The following GAK variants were observed in gnomAD, a reference collection of about 807,000 sequenced individuals.
The protein encoded by GAK is cyclin-G-associated kinase.
GAK carries 79 observed loss-of-function variants against 143.9 expected under a neutral mutation model. That is an observed-to-expected ratio of 0.55 (90% confidence interval 0.46 to 0.66). The LOEUF (loss-of-function observed/expected upper bound fraction) is 0.66, where lower values mean the gene tolerates loss of function less well. Among genes scored for constraint, GAK ranks in the 30% least tolerant of loss-of-function variants. The pLI is 0.00. For missense variants in GAK, 1,693 were observed against 1,779.7 expected (o/e 0.95, Z 0.88); for synonymous variants, 881 against 765.5 (o/e 1.15, Z -2.49).
At chr4:894,382 G>A (rs12499663) in intron 7 of GAK, 73,557 of 184,948 alleles carry the variant, frequency 0.4, 14,839 homozygotes, top group South Asian at 0.48. Flanking sequence ...GAGCGCAGGG[G>A]TGACTCCTGG....
chr4:866,484 A>C lies in GAK; in HGVS notation c.2923T>G (p.Cys975Gly), dbSNP rs1052333449. The stretch of plus-strand genomic sequence containing the variant: ...TCGCCGAAGAGATCAGGATTGGAGC[A>C]GGGCTGGGAGTTGTTGCCTGAAGAC... ...LPSSGNNSQP[C>G]SNPDLFGEFL... is the part of the protein sequence containing the mutation. Residue 975 changes from cysteine to glycine, a missense_variant, in exon 22 of 28, where the codon TGC becomes GGC. By Grantham distance (159) the Cys-to-Gly change is radical. Around this residue, in one of 2 missense-constraint regions of GAK, gnomAD observed 822 missense variants for 788.7 expected, o/e 1.04. Coordinates refer to ENST00000314167, the MANE Select transcript of GAK (RefSeq NM_005255.4). 1 of 1,614,094 alleles carries C rather than the reference A, an allele frequency of 6.2e-7. No individual in the cohort carries two copies. Among genetic ancestry groups the C allele is most frequent in the Non-Finnish European group, 8.5e-7 (1 of 1,179,966 alleles).
chr4:884,626 C>G (rs990978096), intron 11 of GAK, among the ~76,000 whole-genome samples: 2 of 152,246 alleles, frequency 1.3e-5, no homozygotes, highest in Non-Finnish European at 2.9e-5. Context: ...CCAACTGCCC[C>G]CAACACTGGG....
intron 23 of GAK, among the ~76,000 whole-genome samples, chr4:860,836 T>C (rs1032633118): frequency 6.6e-6 from 1 of 152,250 alleles, no homozygotes; most frequent in Non-Finnish European, 1.5e-5. Flanking sequence ...CATCGTGCAC[T>C]GTGCCTCCCG....
rs912034223 is a variant in GAK at position 849,367 on chromosome 4, G to C, written c.*306C>G. 1 of 448,884 alleles carries C rather than the reference G, an allele frequency of 2.2e-6. No individual in the cohort carries two copies. The highest frequency in any genetic ancestry group is 4.1e-6 in the Non-Finnish European group (1 of 242,762). 27.8% of individuals were successfully genotyped at this position (448,884 alleles called of 1,614,324 possible). ...ACCAGGGCCCATGAGCGCCAGCAGC[G>C]TGGCCCACCACGTGCCGGGGCTCCA... On this transcript the variant is annotated 3_prime_UTR_variant, in exon 28 of 28. Transcript: ENST00000314167.
At chr4:858,613 A>AT (rs1749706906) in intron 24 of GAK, among the ~76,000 whole-genome samples, 2 of 152,266 alleles carry the variant, frequency 1.3e-5, no homozygotes, top group South Asian at 4.1e-4. Context: ...GTAAATCCCC[A>AT]AAACCACCTG....
intron 4 of GAK, among the ~76,000 whole-genome samples, chr4:911,121 T>C (rs897106559): frequency 1.3e-5 from 2 of 152,132 alleles, no homozygotes; most frequent in Non-Finnish European, 2.9e-5. Flanking sequence ...ATGGAGTCGT[T>C]GTGCCATCTT....
At position 922,197 on chromosome 4, in the gene GAK, G is replaced by C. The variant is rs375432986; in HGVS notation, c.146-8529C>G. ...GTCCTTATAAGATGAAGACACACCAGAGATGTCAGCATCCCCTCAGCAAAA... is the reference window on the plus strand; with the variant it reads ...GTCCTTATAAGATGAAGACACACCACAGATGTCAGCATCCCCTCAGCAAAA... On this transcript the variant is annotated intron_variant, in intron 1 of 27. Transcript: ENST00000314167. Among the ~76,000 whole-genome samples the C allele has an allele frequency of 2.0e-3, 304 of 152,278 alleles. 13 individuals carry two copies. In the South Asian group the frequency reaches 0.059, roughly 30 times the overall value.
At chr4:911,879 G>A (rs1270695337) in intron 3 of GAK, 92 bp from the exon 4 acceptor site, 2 of 980,592 alleles carry the variant, frequency 2.0e-6, no homozygotes, top group African/African-American at 1.6e-5. Context: ...ACACACTGAA[G>A]TCAGAATACT....
chr4:899,562 G>A (rs1719468010), intron 5 of GAK, among the ~76,000 whole-genome samples: 1 of 151,790 alleles, frequency 6.6e-6, no homozygotes, highest in African/African-American at 2.4e-5. Flanking sequence ...TTTCCCAGAG[G>A]AAGCCCAAGT....
intron 11 of GAK, chr4:884,346 T>G (rs1192652430): frequency 6.1e-6 from 3 of 488,990 alleles, no homozygotes; most frequent in Non-Finnish European, 1.1e-5. Context: ...AGGAGAGACA[T>G]CCGCTGTCTG....
chr4:866,544 C>CA lies in GAK; in HGVS notation c.2873-11dup. On this transcript the variant is annotated splice_polypyrimidine_tract_variant and intron_variant, in intron 21 of 27. Transcript: ENST00000314167. ...GGGCCAAAGGGGTCAGCTGTGGGGACAGGCGGGCATGGGGAGGACTCAGCC... is the reference window on the plus strand; with the variant it reads ...GGGCCAAAGGGGTCAGCTGTGGGGACAAGGCGGGCATGGGGAGGACTCAGCC... 3.7e-6 allele frequency: 6 copies of CA among 1,612,094 alleles called. No individual in the cohort carries two copies. The highest frequency in any genetic ancestry group is 5.1e-6 in the Non-Finnish European group (6 of 1,179,368).
At chr4:912,132 A>C (rs751317379) in intron 3 of GAK, 1 of 461,672 alleles carries the variant, frequency 2.2e-6, no homozygotes, top group Non-Finnish European at 4.3e-6. Context: ...TGTCCACCCG[A>C]ACCCACACTC....
At chr4:930,196 C>T (rs1468447706) in intron 1 of GAK, among the ~76,000 whole-genome samples, 2 of 152,182 alleles carry the variant, frequency 1.3e-5, no homozygotes, top group African/African-American at 2.4e-5. Flanking sequence ...ATATAAAATA[C>T]TTAATTCAGC....
intron 23 of GAK, among the ~76,000 whole-genome samples, chr4:862,626 C>T (rs1239922700): frequency 6.6e-6 from 1 of 151,730 alleles, no homozygotes; most frequent in Non-Finnish European, 1.5e-5. Context: ...CCACTGCACT[C>T]CAGCCTGGGC....
intron 18 of GAK, among the ~76,000 whole-genome samples, chr4:875,525 G>C (rs1008722889): frequency 6.6e-6 from 1 of 152,214 alleles, no homozygotes; most frequent in Non-Finnish European, 1.5e-5. Context: ...GCTTCCCTTT[G>C]TTTACTGGGT....
intron 1 of GAK, among the ~76,000 whole-genome samples, chr4:924,999 T>C (rs945836889): frequency 3.3e-5 from 5 of 150,440 alleles, no homozygotes; most frequent in Non-Finnish European, 5.9e-5. Flanking sequence ...CAGGAGGAGG[T>C]TGCCAGGATC....
rs752994019 is a variant in GAK at position 851,887 on chromosome 4, G to A, written c.3371C>T (p.Pro1124Leu). 33 of 1,611,108 alleles carry A rather than the reference G, an allele frequency of 2.0e-5. No homozygotes were observed. Among genetic ancestry groups the A allele is most frequent in the African/African-American group, 1.1e-4 (8 of 74,840 alleles). The part of the protein sequence containing the change: ...KGSSSWQTSR[P>L]PAQGASWPPQ... ...GGGCCATGAGGCGCCCTGGGCTGGCGGCCGACTTGTCTGCCAGGAGCTGCT... is the reference window on the plus strand; with the variant it reads ...GGGCCATGAGGCGCCCTGGGCTGGCAGCCGACTTGTCTGCCAGGAGCTGCT... Residue 1124 changes from proline to leucine, a missense_variant, in exon 25 of 28, where the codon CCG becomes CTG. Coordinates refer to ENST00000314167, the MANE Select transcript of GAK (RefSeq NM_005255.4).
chr4:922,236 C>T (rs577610864), intron 1 of GAK, among the ~76,000 whole-genome samples: 37 of 152,052 alleles, frequency 2.4e-4, no homozygotes, highest in Admixed American at 1.6e-3. Context: ...CAGCATCGGC[C>T]GGGCGCGGTG....
At chr4:874,204 G>A (rs573653864) in intron 18 of GAK, among the ~76,000 whole-genome samples, 10 of 152,246 alleles carry the variant, frequency 6.6e-5, no homozygotes, top group Admixed American at 5.9e-4. Flanking sequence ...GTGTGCGCAC[G>A]CGCTGGTGCT....
Sources: allele counts gnomAD v4.1 joint callset (sites outside exome capture counted in the v4.1 genomes callset), GRCh38; gene constraint gnomAD v4.1.1; regional missense constraint gnomAD v4.1.1; transcripts MANE v1.5; gene names NCBI Gene and HGNC (gene_info 2026-07-23, HGNC 2026-07-21).